The following CAMKMT variants were observed in gnomAD, a reference collection of about 807,000 sequenced individuals.
The protein encoded by CAMKMT is CaM KMT.
CAMKMT carries 53 observed loss-of-function variants against 48.0 expected under a neutral mutation model. The observed-to-expected ratio is 1.10, with a 90% confidence interval of 0.89 to 1.39. CAMKMT has a LOEUF of 1.39. Ranked by LOEUF, CAMKMT falls within the 40% of genes most tolerant of loss-of-function variation. The pLI is 0.00. For missense variants in CAMKMT, 428 were observed against 402.7 expected, an observed-to-expected ratio of 1.06 and a Z score of -0.54; for synonymous variants, 165 against 152.3, an observed-to-expected ratio of 1.08 and a Z score of -0.61.
chr2:44,750,157 T>C (rs1022374869), intron 8 of CAMKMT, among the ~76,000 whole-genome samples: 4 of 151,670 alleles, frequency 2.6e-5, no homozygotes, highest in African/African-American at 7.3e-5. Context: ...TTTTTTTTTT[T>C]CTCTCTCTCT....
intron 3 of CAMKMT, among the ~76,000 whole-genome samples, chr2:44,589,195 C>CG: frequency 2.0e-5 from 1 of 49,364 alleles, no homozygotes. Flanking sequence ...CGCCTCTGCC[C>CG]GGCCGCCCCT....
intron 2 of CAMKMT, among the ~76,000 whole-genome samples, chr2:44,386,106 G>T (rs559006519): frequency 1.3e-5 from 2 of 152,092 alleles, no homozygotes; most frequent in African/African-American, 2.4e-5. Context: ...TCTGGTCCTG[G>T]ACTTTTTTTT....
At position 44,686,272 on chromosome 2, in the gene CAMKMT, A is replaced by T. The variant is rs1283066775; in HGVS notation, c.377-18011A>T. On this transcript the variant is annotated intron_variant, in intron 3 of 10. Coordinates refer to ENST00000378494, the MANE Select transcript of CAMKMT (RefSeq NM_024766.5). ...GCCGGGCATGGTGGCGGGCGCCTGT[A>T]GTCCCAGCTACTCGGGAGGCTGAGT... Among the ~76,000 whole-genome samples the T allele has an allele frequency of 1.3e-4, 20 of 151,992 alleles. 1 individual carries two copies. The highest frequency in any genetic ancestry group is 1.2e-3 in the Admixed American group (18 of 15,262).
chr2:44,660,454 A>G (rs1250334220), intron 3 of CAMKMT, among the ~76,000 whole-genome samples: 1 of 152,258 alleles, frequency 6.6e-6, no homozygotes, highest in East Asian at 1.9e-4. Flanking sequence ...AAATGGAAAT[A>G]ATATTTTGCT....
chr2:44,654,017 G>T (rs2104049932), intron 3 of CAMKMT, among the ~76,000 whole-genome samples: 1 of 152,186 alleles, frequency 6.6e-6, no homozygotes, highest in South Asian at 2.1e-4. Context: ...ATTGACTCTG[G>T]ACAAATAATT....
intron 3 of CAMKMT, among the ~76,000 whole-genome samples, chr2:44,671,816 T>C (rs919829520): frequency 1.3e-5 from 2 of 152,190 alleles, no homozygotes; most frequent in African/African-American, 4.8e-5. Flanking sequence ...TGTATTTTCA[T>C]GATTTTTTGA....
intron 3 of CAMKMT, among the ~76,000 whole-genome samples, chr2:44,465,070 C>G (rs138829658): frequency 1.3e-5 from 2 of 151,798 alleles, no homozygotes; most frequent in Non-Finnish European, 2.9e-5. Flanking sequence ...AAATAGCTAA[C>G]TATAAAACTA....
At chr2:44,403,257 T>C (rs980234902) in intron 3 of CAMKMT, among the ~76,000 whole-genome samples, 1 of 151,836 alleles carries the variant, frequency 6.6e-6, no homozygotes, top group Non-Finnish European at 1.5e-5. Context: ...ATAAGAAGAG[T>C]CCTCAGTTAC....
At chr2:44,366,854 T>G (rs1372722951) in intron 1 of CAMKMT, among the ~76,000 whole-genome samples, 2 of 152,102 alleles carry the variant, frequency 1.3e-5, no homozygotes, top group Non-Finnish European at 2.9e-5. Flanking sequence ...TCTGAGTAGC[T>G]GGGACTACAG....
chr2:44,425,638 A>T (rs908821232), intron 3 of CAMKMT, among the ~76,000 whole-genome samples: 9 of 152,186 alleles, frequency 5.9e-5, no homozygotes, highest in African/African-American at 2.2e-4. Flanking sequence ...TCAAAGGGCA[A>T]AAGATTTGTT....
chr2:44,658,145 G>A (rs1047708892), intron 3 of CAMKMT, among the ~76,000 whole-genome samples: 1 of 152,208 alleles, frequency 6.6e-6, no homozygotes, highest in African/African-American at 2.4e-5. Flanking sequence ...ACGTCATTCT[G>A]TAGTTGTCAT....
intron 3 of CAMKMT, among the ~76,000 whole-genome samples, chr2:44,564,335 C>T (rs542699058): frequency 1.6e-4 from 25 of 151,714 alleles, no homozygotes; most frequent in Admixed American, 1.2e-3. Context: ...CCACTATGCC[C>T]GGCTAATTTT....
At chr2:44,599,339 C>G (rs904489804) in intron 3 of CAMKMT, among the ~76,000 whole-genome samples, 1 of 152,122 alleles carries the variant, frequency 6.6e-6, no homozygotes, top group Admixed American at 6.5e-5. Flanking sequence ...TCCAGTAACA[C>G]TATTGTACAA....
intron 3 of CAMKMT, among the ~76,000 whole-genome samples, chr2:44,546,829 C>T (rs915580011): frequency 2.0e-5 from 3 of 152,200 alleles, no homozygotes; most frequent in Non-Finnish European, 4.4e-5. Context: ...TAATGTTTTT[C>T]TCACTTAATT....
chr2:44,514,731 A>G (rs1428252344), intron 3 of CAMKMT, among the ~76,000 whole-genome samples: 1 of 152,224 alleles, frequency 6.6e-6, no homozygotes, highest in Non-Finnish European at 1.5e-5. Context: ...AGTTTGAATG[A>G]CTACATTAAT....
intron 3 of CAMKMT, among the ~76,000 whole-genome samples, chr2:44,561,515 A>T (rs1668322676): frequency 6.6e-6 from 1 of 152,200 alleles, no homozygotes; most frequent in African/African-American, 2.4e-5. Context: ...ACTTGGGATA[A>T]CCTGGTGACA....
chr2:44,605,608 G>A (rs1367133810), intron 3 of CAMKMT, among the ~76,000 whole-genome samples: 1 of 151,994 alleles, frequency 6.6e-6, no homozygotes, highest in Non-Finnish European at 1.5e-5. Context: ...TTATTTTTAA[G>A]AATCAAAAAG....
chr2:44,702,452 T>G (rs571693005), intron 3 of CAMKMT, among the ~76,000 whole-genome samples: 4 of 152,174 alleles, frequency 2.6e-5, no homozygotes, highest in African/African-American at 9.7e-5. Context: ...TAGGAACCAT[T>G]CTAAACATAG....
At chr2:44,392,439 G>C (rs1014749631) in intron 3 of CAMKMT, among the ~76,000 whole-genome samples, 2 of 151,834 alleles carry the variant, frequency 1.3e-5, no homozygotes, top group East Asian at 3.9e-4. Context: ...TATAATCTTG[G>C]ACGTAAAGTA....
Sources: gnomAD v4.1 joint callset for allele counts (sites outside exome capture counted in the v4.1 genomes callset) on GRCh38, gnomAD v4.1.1 for gene constraint, MANE v1.5 for transcripts, NCBI Gene and HGNC (gene_info 2026-07-23, HGNC 2026-07-21) for gene names.